Variants in CADM1 observed in about 807,000 individuals in gnomAD.
CADM1 encodes TSLC-1.
Under a neutral mutation model 53.1 loss-of-function variants are expected in CADM1, and 15 were observed. The observed-to-expected ratio is 0.28, with a 90% CI of 0.19 to 0.44. The LOEUF (loss-of-function observed/expected upper bound fraction) is 0.44, where lower values mean the gene tolerates loss of function less well. Ranked by LOEUF, CADM1 falls within the 20% of genes least tolerant of loss-of-function variation. CADM1 has a pLI of 1.00. For synonymous variants in CADM1, 281 were observed against 243.0 expected (o/e 1.16, Z -1.45); for missense variants, 434 against 611.3 (o/e 0.71, Z 3.06).
intron 1 of CADM1, among the ~76,000 whole-genome samples, chr11:115,451,680 T>C (rs1243235179): frequency 6.6e-6 from 1 of 152,210 alleles, no homozygotes; most frequent in Admixed American, 6.5e-5. Context: ...CCACAGAGAT[T>C]GTTCTTGAAG....
chr11:115,390,130 C>A (rs1165864033), intron 1 of CADM1, among the ~76,000 whole-genome samples: 1 of 152,116 alleles, frequency 6.6e-6, no homozygotes, highest in South Asian at 2.1e-4. Context: ...CCCATCCCAC[C>A]TCCCCCCATG....
Position 115,174,251 on chromosome 11 carries a change from G to T in CADM1, c.*2223C>A. On this transcript the variant is annotated 3_prime_UTR_variant, in exon 12 of 12. Coordinates refer to ENST00000331581, the MANE Select transcript of CADM1 (RefSeq NM_001301043.2). ...GTCCCAAAAATGAGATGCCAATTCT[G>T]TGAGCAATGGTGTGATTTTTTTTTT... The T allele has an allele frequency of 3.1e-6, 3 of 982,704 alleles. No homozygotes were observed. The highest frequency in any genetic ancestry group is 1.1e-4 in the East Asian group (1 of 8,702). 60.9% of individuals were successfully genotyped at this position (982,704 alleles called of 1,614,324 possible).
chr11:115,334,703 G>C (rs910584376), intron 1 of CADM1, among the ~76,000 whole-genome samples: 1 of 151,948 alleles, frequency 6.6e-6, no homozygotes, highest in Non-Finnish European at 1.5e-5. Context: ...GAATAAAGGG[G>C]GACAACTATA....
At chr11:115,488,003 T>C (rs867165941) in intron 1 of CADM1, among the ~76,000 whole-genome samples, 10 of 147,844 alleles carry the variant, frequency 6.8e-5, no homozygotes, top group Middle Eastern at 6.9e-3. Context: ...TTAATGCCTC[T>C]AACTTAAAAG....
chr11:115,232,730 A>G (rs777561569), intron 3 of CADM1, among the ~76,000 whole-genome samples: 5 of 152,306 alleles, frequency 3.3e-5, no homozygotes, highest in South Asian at 2.1e-4. Flanking sequence ...TTCATATGCA[A>G]CCTTACCTCA....
At chr11:115,391,569 G>A (rs184164828) in intron 1 of CADM1, among the ~76,000 whole-genome samples, 14 of 152,128 alleles carry the variant, frequency 9.2e-5, no homozygotes, top group African/African-American at 3.1e-4. Flanking sequence ...AGGAGGATGC[G>A]GGAGGGAGAG....
At position 115,306,072 on chromosome 11, in the gene CADM1, CCACACA is replaced by C. The variant is rs6144515; in HGVS notation, c.125-65658_125-65653del. On this transcript the variant is annotated intron_variant, in intron 1 of 11. Coordinates refer to ENST00000331581, the MANE Select transcript of CADM1 (RefSeq NM_001301043.2). ...AAGGGATATTTGCAGAGGATATATA[CCACACA>C]CACACACACACACACACACACACAC... Among the ~76,000 whole-genome samples, 291 of 130,426 alleles carry C rather than the reference CCACACA, an allele frequency of 2.2e-3. 2 individuals are homozygous for C. Among genetic ancestry groups the C allele is most frequent in the Middle Eastern group, 7.8e-3 (2 of 256 alleles). 85.6% of individuals were successfully genotyped at this position (130,426 alleles called of 152,430 possible). A position where few individuals can be genotyped will look rare whatever the true frequency, so the allele number is the denominator to read the frequency against.
intron 1 of CADM1, among the ~76,000 whole-genome samples, chr11:115,315,016 C>T (rs974726050): frequency 1.9e-4 from 29 of 152,208 alleles, no homozygotes; most frequent in African/African-American, 6.5e-4. Context: ...GGAGTTGACA[C>T]GTTAAACAGT....
chr11:115,250,847 C>G lies in CADM1; in HGVS notation c.125-10427G>C, dbSNP rs375978152. On this transcript the variant is annotated intron_variant, in intron 1 of 11. Coordinates refer to ENST00000331581, the MANE Select transcript of CADM1 (RefSeq NM_001301043.2). Reference sequence around the variant, plus strand: ...ACATATACTGAATAAGTGGTTGGAACCAATATCTGAATCCAGGTCTGTTTA... The same window carrying G: ...ACATATACTGAATAAGTGGTTGGAAGCAATATCTGAATCCAGGTCTGTTTA... Among the ~76,000 whole-genome samples, 6 of 152,240 alleles carry G rather than the reference C, an allele frequency of 3.9e-5. No individual in the cohort carries two copies. The South Asian group carries it at 8.3e-4, about 21-fold the overall frequency.
intron 1 of CADM1, among the ~76,000 whole-genome samples, chr11:115,358,571 C>T (rs1481751131): frequency 3.3e-5 from 5 of 152,148 alleles, no homozygotes; most frequent in African/African-American, 7.2e-5. Context: ...GTGGGAATTA[C>T]GGGAGCTACG....
intron 1 of CADM1, among the ~76,000 whole-genome samples, chr11:115,361,403 T>C (rs1007262409): frequency 6.6e-6 from 1 of 152,186 alleles, no homozygotes; most frequent in Non-Finnish European, 1.5e-5. Flanking sequence ...ATTCTACCTA[T>C]GACTATCCAG....
chr11:115,230,969 T>C (rs1178807269), intron 4 of CADM1, among the ~76,000 whole-genome samples: 1 of 152,142 alleles, frequency 6.6e-6, no homozygotes, highest in Non-Finnish European at 1.5e-5. Flanking sequence ...GGGCTTCTGG[T>C]CCCCTCTAGG....
intron 1 of CADM1, among the ~76,000 whole-genome samples, chr11:115,303,521 T>TTCACATACTCA (rs1369762436): frequency 1.3e-5 from 2 of 152,100 alleles, no homozygotes; most frequent in African/African-American, 4.8e-5. Flanking sequence ...ATAGTGTTTG[T>TTCACATACTCA]TCACATACTC....
chr11:115,416,821 T>C (rs1352671847), intron 1 of CADM1, among the ~76,000 whole-genome samples: 2 of 152,096 alleles, frequency 1.3e-5, no homozygotes, highest in Non-Finnish European at 2.9e-5. Context: ...GAAAATGCTC[T>C]AAATAATATT....
chr11:115,378,846 A>G (rs1451057253), intron 1 of CADM1, among the ~76,000 whole-genome samples: 6 of 152,220 alleles, frequency 3.9e-5, no homozygotes, highest in African/African-American at 1.4e-4. Context: ...ACAAAGCCTA[A>G]CATATTTACT....
At chr11:115,189,188 T>C (rs966785247) in intron 10 of CADM1, among the ~76,000 whole-genome samples, 1 of 152,134 alleles carries the variant, frequency 6.6e-6, no homozygotes, top group Non-Finnish European at 1.5e-5. Context: ...AAACAGTTGT[T>C]GGTTTATTGC....
intron 1 of CADM1, among the ~76,000 whole-genome samples, chr11:115,347,840 T>C (rs1669491981): frequency 6.6e-6 from 1 of 152,172 alleles, no homozygotes; most frequent in Non-Finnish European, 1.5e-5. Context: ...TCAGAATCAT[T>C]CACAATGTCA....
chr11:115,467,628 G>C (rs1236523764), intron 1 of CADM1, among the ~76,000 whole-genome samples: 1 of 152,104 alleles, frequency 6.6e-6, no homozygotes, highest in Non-Finnish European at 1.5e-5. Context: ...CTCCTCAAAG[G>C]CTGTGTTGAG....
intron 1 of CADM1, among the ~76,000 whole-genome samples, chr11:115,412,791 C>T (rs1947491020): frequency 6.6e-6 from 1 of 152,152 alleles, no homozygotes; most frequent in Non-Finnish European, 1.5e-5. Flanking sequence ...GTTTTACAAG[C>T]ATCAAGGGTC....
Sources: allele counts gnomAD v4.1 joint callset (sites outside exome capture counted in the v4.1 genomes callset), GRCh38; gene constraint gnomAD v4.1.1; transcripts MANE v1.5; gene names NCBI Gene and HGNC (gene_info 2026-07-23, HGNC 2026-07-21).